CNTNAP4: variants seen among roughly 807,000 people sequenced by gnomAD.
The protein encoded by CNTNAP4 is contactin associated protein family member 4.
A neutral mutation model predicts 148.4 loss-of-function variants in CNTNAP4; 98 were observed. That is an observed-to-expected ratio of 0.66 (90% CI 0.56 to 0.78). The LOEUF is 0.78. Among genes scored for constraint, CNTNAP4 ranks in the 30% least tolerant of loss-of-function variants. The probability of loss-of-function intolerance (pLI) is 0.00; values close to 1 mark genes in which losing one functional copy is unlikely to be tolerated. For missense variants in CNTNAP4, 1,935 were observed against 1,565.6 expected (o/e 1.24, Z -3.98); for synonymous variants, 730 against 565.1 (o/e 1.29, Z -4.14).
chr16:76,487,371 C>T (rs974301606), intron 12 of CNTNAP4, among the ~76,000 whole-genome samples: 5 of 152,170 alleles, frequency 3.3e-5, no homozygotes, highest in Non-Finnish European at 5.9e-5. Context: ...TATTGCTATT[C>T]TCATAGAGCT....
intron 17 of CNTNAP4, among the ~76,000 whole-genome samples, chr16:76,533,843 G>A (rs181500120): frequency 6.6e-6 from 1 of 152,118 alleles, no homozygotes; most frequent in Non-Finnish European, 1.5e-5. Context: ...TTTATAAATA[G>A]AACAGCCAAC....
At chr16:76,327,594 C>T (rs1045470757) in intron 2 of CNTNAP4, among the ~76,000 whole-genome samples, 2 of 152,198 alleles carry the variant, frequency 1.3e-5, no homozygotes, top group Admixed American at 6.5e-5. Flanking sequence ...CAGCTTTCCA[C>T]AGGTGTGATA....
intron 2 of CNTNAP4, among the ~76,000 whole-genome samples, chr16:76,343,791 A>G (rs1030938743): frequency 6.6e-6 from 1 of 152,132 alleles, no homozygotes; most frequent in Non-Finnish European, 1.5e-5. Context: ...ACGTGTAATA[A>G]TCAAGAATAA....
intron 3 of CNTNAP4, among the ~76,000 whole-genome samples, chr16:76,380,056 T>G (rs2015807988): frequency 6.6e-6 from 1 of 152,216 alleles, no homozygotes; most frequent in Admixed American, 6.5e-5. Context: ...TGAATATTTT[T>G]TGAGAAATTA....
intron 3 of CNTNAP4, among the ~76,000 whole-genome samples, chr16:76,396,244 A>G (rs1403410873): frequency 2.0e-5 from 3 of 152,198 alleles, no homozygotes; most frequent in Admixed American, 6.5e-5. Flanking sequence ...TTCATTTGCC[A>G]TTTAATTCAA....
At chr16:76,475,807 A>G (rs2081555201) in intron 10 of CNTNAP4, 132 bp from the exon 11 acceptor site, 1 of 629,038 alleles carries the variant, frequency 1.6e-6, no homozygotes, top group African/African-American at 1.8e-5. Flanking sequence ...AAAGTGATTA[A>G]CAACAGACTG....
chr16:76,402,342 G>A (rs2078447516), intron 3 of CNTNAP4, among the ~76,000 whole-genome samples: 1 of 150,938 alleles, frequency 6.6e-6, no homozygotes, highest in Non-Finnish European at 1.5e-5. Flanking sequence ...AGTAGTTTCT[G>A]ATGTTTCTGA....
At chr16:76,301,040 A>C (rs983677880) in intron 1 of CNTNAP4, among the ~76,000 whole-genome samples, 22 of 151,998 alleles carry the variant, frequency 1.4e-4, no homozygotes, top group African/African-American at 5.3e-4. Context: ...ATTTTATAGG[A>C]ACTAACATGG....
chr16:76,317,050 G>A (rs1961834370), intron 2 of CNTNAP4, among the ~76,000 whole-genome samples: 1 of 151,858 alleles, frequency 6.6e-6, no homozygotes, highest in East Asian at 1.9e-4. Flanking sequence ...AAGATCACTT[G>A]AAGTGAGGAG....
intron 3 of CNTNAP4, among the ~76,000 whole-genome samples, chr16:76,418,297 C>G (rs2079056445): frequency 6.7e-6 from 1 of 149,604 alleles, no homozygotes; most frequent in South Asian, 2.1e-4. Flanking sequence ...TTTCTTTTTT[C>G]TTTTTCTATT....
At position 76,538,109 on chromosome 16, in the gene CNTNAP4, A is replaced by G. The variant is rs1055832695; in HGVS notation, c.2996-7A>G. ...TTTAACAAAAATATATATATATATT[A>G]TTTCAGAGATTTCTGCATATTTTGG... On this transcript the variant is annotated splice_polypyrimidine_tract_variant and splice_region_variant and intron_variant, in intron 18 of 23. Coordinates refer to ENST00000611870, the MANE Select transcript of CNTNAP4 (RefSeq NM_033401.5). The G allele has an allele frequency of 2.4e-6, 3 of 1,266,776 alleles. No individual in the cohort carries two copies. Among genetic ancestry groups the G allele is most frequent in the Non-Finnish European group, 3.2e-6 (3 of 950,028 alleles). 78.5% of individuals were successfully genotyped at this position (1,266,776 alleles called of 1,614,324 possible).
chr16:76,433,061 ATG>A (rs1453715548), intron 4 of CNTNAP4, among the ~76,000 whole-genome samples: 3 of 152,240 alleles, frequency 2.0e-5, no homozygotes, highest in Admixed American at 2.0e-4. Flanking sequence ...AAATCTGGGA[ATG>A]TTTCCACCCA....
intron 10 of CNTNAP4, among the ~76,000 whole-genome samples, chr16:76,468,366 C>T (rs550240280): frequency 1.3e-3 from 197 of 152,070 alleles, no homozygotes; most frequent in African/African-American, 4.0e-3. Flanking sequence ...CCCAGCTACT[C>T]GGGAGGCTGA....
chr16:76,297,803 G>C (rs2143895972), intron 1 of CNTNAP4, among the ~76,000 whole-genome samples: 1 of 152,048 alleles, frequency 6.6e-6, no homozygotes, highest in Middle Eastern at 3.4e-3. Context: ...ATTTTGTTTG[G>C]CATCTGCAGC....
intron 2 of CNTNAP4, among the ~76,000 whole-genome samples, chr16:76,321,256 C>T (rs1396355553): frequency 6.6e-6 from 1 of 152,160 alleles, no homozygotes; most frequent in Admixed American, 6.5e-5. Flanking sequence ...GAGATAACTC[C>T]CATTCTTGGA....
chr16:76,366,964 A>G (rs74026741), intron 3 of CNTNAP4, among the ~76,000 whole-genome samples: 3,272 of 152,214 alleles, frequency 0.021, 117 homozygotes, highest in African/African-American at 0.075. Context: ...TCTGAATGTC[A>G]TATAGAAAAA....
intron 4 of CNTNAP4, among the ~76,000 whole-genome samples, chr16:76,440,515 A>G (rs1185791868): frequency 6.6e-6 from 1 of 152,124 alleles, no homozygotes; most frequent in Non-Finnish European, 1.5e-5. Flanking sequence ...TAAAACATTC[A>G]TTTCCATGGT....
chr16:76,488,904 G>A (rs982204317), intron 12 of CNTNAP4, among the ~76,000 whole-genome samples: 2 of 152,126 alleles, frequency 1.3e-5, no homozygotes, highest in African/African-American at 4.8e-5. Flanking sequence ...AGACATTCAG[G>A]CACCAATAGT....
At position 76,424,519 on chromosome 16, in the gene CNTNAP4, C is replaced by G. The variant is rs369875424; in HGVS notation, c.391-2933C>G. On this transcript the variant is annotated intron_variant, in intron 3 of 23. Transcript: ENST00000611870. ...CTGTAATCCTAACACCTTGAGAGGC[C>G]GAGGCGGGCAGATCATTTGAGGTCA... is the stretch of plus-strand genomic sequence containing the variant. 2.6e-5 allele frequency among the ~76,000 whole-genome samples: 4 copies of G among 152,004 alleles called. No individual in the cohort carries two copies. In the East Asian group the frequency reaches 7.7e-4, roughly 29 times the overall value.
Sources: gnomAD v4.1 joint callset for allele counts (sites outside exome capture counted in the v4.1 genomes callset) on GRCh38, gnomAD v4.1.1 for gene constraint, MANE v1.5 for transcripts, NCBI Gene and HGNC (gene_info 2026-07-23, HGNC 2026-07-21) for gene names.